CHL1: variants seen among roughly 807,000 people sequenced by gnomAD.
CHL1 encodes neural cell adhesion molecule L1-like protein.
CHL1 carries 96 observed loss-of-function variants against 141.9 expected under a neutral mutation model. That is an observed-to-expected ratio of 0.68 (90% confidence interval 0.57 to 0.80). The LOEUF (loss-of-function observed/expected upper bound fraction) is 0.80. Ranked by LOEUF, CHL1 falls within the 30% of genes least tolerant of loss-of-function variation. The pLI is 0.00. For synonymous variants in CHL1, 613 were observed against 502.2 expected, an observed-to-expected ratio of 1.22 and a Z score of -2.95; for missense variants, 1,820 against 1,457.2, an observed-to-expected ratio of 1.25 and a Z score of -4.05.
At chr3:375,158 G>T (rs1213313968) in intron 15 of CHL1, among the ~76,000 whole-genome samples, 4 of 152,084 alleles carry the variant, frequency 2.6e-5, no homozygotes, top group African/African-American at 9.7e-5. Context: ...CCTGCAGGTG[G>T]CCATAGACCA....
chr3:342,107 C>A (rs1217362957), intron 7 of CHL1, 25 bp downstream of exon 7: 1 of 1,585,522 alleles, frequency 6.3e-7, no homozygotes, highest in Non-Finnish European at 8.6e-7. Flanking sequence ...TTTATCGTTT[C>A]ATCATGTATG....
At chr3:393,949 A>T (rs970433565) in intron 23 of CHL1, among the ~76,000 whole-genome samples, 16 of 152,086 alleles carry the variant, frequency 1.1e-4, no homozygotes, top group Admixed American at 3.3e-4. Context: ...AGTCAAGAGG[A>T]TTTATTCTAC....
At chr3:206,552 C>T (rs1261527573) in intron 1 of CHL1, among the ~76,000 whole-genome samples, 1 of 151,878 alleles carries the variant, frequency 6.6e-6, no homozygotes, top group Non-Finnish European at 1.5e-5. Context: ...AGCAAGACTC[C>T]ATGTCTACAA....
At chr3:253,829 A>G (rs573633223) in intron 2 of CHL1, among the ~76,000 whole-genome samples, 1 of 149,516 alleles carries the variant, frequency 6.7e-6, no homozygotes, top group East Asian at 2.1e-4. Context: ...AGAAAGTGAC[A>G]CTTTTCTAAA....
chr3:361,666 G>A (rs1312850028), intron 12 of CHL1, 33 bp from the exon 13 acceptor site: 1 of 1,500,212 alleles, frequency 6.7e-7, no homozygotes, highest in Non-Finnish European at 9.3e-7. Flanking sequence ...TTCCACAAAA[G>A]TTTAAAACTG....
chr3:380,211 T>C (rs959378098), intron 16 of CHL1, among the ~76,000 whole-genome samples: 1 of 152,226 alleles, frequency 6.6e-6, no homozygotes, highest in Non-Finnish European at 1.5e-5. Flanking sequence ...AATTAACTTT[T>C]TATTTATGGC....
At chr3:249,117 G>T (rs901681139) in intron 2 of CHL1, among the ~76,000 whole-genome samples, 1 of 152,164 alleles carries the variant, frequency 6.6e-6, no homozygotes, top group South Asian at 2.1e-4. Context: ...CTGCACACGC[G>T]TGCAGAGATT....
At chr3:351,339 T>A (rs1703237986) in intron 10 of CHL1, among the ~76,000 whole-genome samples, 1 of 152,232 alleles carries the variant, frequency 6.6e-6, no homozygotes, top group African/African-American at 2.4e-5. Context: ...GAAGAACTTT[T>A]AATCCTCTCT....
intron 2 of CHL1, among the ~76,000 whole-genome samples, chr3:312,252 A>G (rs2124989950): frequency 6.6e-6 from 1 of 152,302 alleles, no homozygotes; most frequent in South Asian, 2.1e-4. Context: ...CCTTTGATCT[A>G]CTGTGTACAA....
At chr3:376,502 C>CAGG in intron 15 of CHL1, 1 of 468,052 alleles carries the variant, frequency 2.1e-6, no homozygotes, top group Non-Finnish European at 4.2e-6. Flanking sequence ...ACCTAAGATA[C>CAGG]ATTTGTGAGA....
intron 2 of CHL1, among the ~76,000 whole-genome samples, chr3:294,296 G>A (rs1697986153): frequency 2.0e-5 from 3 of 152,104 alleles, no homozygotes; most frequent in Admixed American, 2.0e-4. Flanking sequence ...TCCAGTCTGG[G>A]TGACAGAGCA....
chr3:269,518 A>G (rs1467755449), intron 2 of CHL1, among the ~76,000 whole-genome samples: 1 of 149,686 alleles, frequency 6.7e-6, no homozygotes, highest in Non-Finnish European at 1.5e-5. Context: ...GATAAAAAAG[A>G]CTCTCTCTCT....
chr3:394,269 T>C (rs1708484508), intron 23 of CHL1, among the ~76,000 whole-genome samples: 1 of 152,176 alleles, frequency 6.6e-6, no homozygotes, highest in Non-Finnish European at 1.5e-5. Flanking sequence ...TAAATTATCA[T>C]CTCAATTATT....
chr3:274,864 C>T (rs915266703), intron 2 of CHL1, among the ~76,000 whole-genome samples: 22 of 152,058 alleles, frequency 1.4e-4, no homozygotes, highest in Non-Finnish European at 3.1e-4. Flanking sequence ...TTATTGAATC[C>T]TGTTGCTTTC....
chr3:325,807 T>G (rs1700959679), intron 3 of CHL1, 152 bp from the exon 4 acceptor site: 1 of 507,114 alleles, frequency 2.0e-6, no homozygotes, highest in African/African-American at 2.0e-5. Flanking sequence ...AAGTACATGT[T>G]GCAAAGAGAG....
intron 23 of CHL1, 89 bp downstream of exon 23, chr3:391,886 A>T (rs1299420027): frequency 9.6e-7 from 1 of 1,044,976 alleles, no homozygotes; most frequent in African/African-American, 1.6e-5. Flanking sequence ...TCTAATGATC[A>T]CTTAAGGCCA....
At chr3:277,954 G>A (rs914992179) in intron 2 of CHL1, among the ~76,000 whole-genome samples, 6 of 152,182 alleles carry the variant, frequency 3.9e-5, no homozygotes, top group African/African-American at 1.2e-4. Flanking sequence ...AACATAAAAT[G>A]TAGTTTGCAT....
intron 2 of CHL1, among the ~76,000 whole-genome samples, chr3:310,021 T>C (rs73007585): frequency 0.012 from 1,868 of 152,272 alleles, 43 homozygotes; most frequent in Admixed American, 0.012. Context: ...TCATTTCTTT[T>C]TTGAAAATTC....
At position 408,211 on chromosome 3, in the gene CHL1, G is replaced by C. The variant is rs902639037; in HGVS notation, c.*2500G>C. On this transcript the variant is annotated 3_prime_UTR_variant, in exon 28 of 28. Coordinates refer to ENST00000256509, the MANE Select transcript of CHL1 (RefSeq NM_006614.4). ...ATGCTTGTTTGCAAATTGCCCACTC[G>C]TGATAAGTCAACAGCCAATATTTAA... 1 of 152,056 alleles carries C rather than the reference G, an allele frequency of 6.6e-6. No individual in the cohort carries two copies. The highest frequency in any genetic ancestry group is 1.5e-5 in the Non-Finnish European group (1 of 68,010). The allele number at this position is 152,056 out of a possible 1,614,324, so 9.4% of individuals were successfully genotyped here.
Sources: allele counts gnomAD v4.1 joint callset (sites outside exome capture counted in the v4.1 genomes callset), GRCh38; gene constraint gnomAD v4.1.1; transcripts MANE v1.5; gene names NCBI Gene and HGNC (gene_info 2026-07-23, HGNC 2026-07-21).